Variants in LIPA observed in about 807,000 individuals in gnomAD.
LIPA encodes lipase A, lysosomal acid type.
A neutral mutation model predicts 40.6 loss-of-function variants in LIPA; 26 were observed. That is an observed-to-expected ratio of 0.64 (90% CI 0.47 to 0.89). LIPA has a LOEUF of 0.89. LIPA is among the 40% of genes least tolerant of loss of function. The pLI, the probability that LIPA is intolerant of heterozygous loss-of-function variation, is 0.00. For synonymous variants in LIPA, 188 were observed against 168.4 expected (o/e 1.12, Z -0.90); for missense variants, 455 against 479.6 (o/e 0.95, Z 0.48).
At chr10:89,391,489 T>C (rs931414737) in intron 2 of LIPA, among the ~76,000 whole-genome samples, 6 of 152,126 alleles carry the variant, frequency 3.9e-5, no homozygotes, top group South Asian at 4.1e-4. Context: ...TACTGGGACT[T>C]ACAGGCCTGA....
chr10:89,384,703 C>G, intron 2 of LIPA: 1 of 1,613,818 alleles, frequency 6.2e-7, no homozygotes, highest in South Asian at 1.1e-5. Context: ...TGAGAGGGCT[C>G]TGAGGCTGGC....
intron 1 of LIPA, among the ~76,000 whole-genome samples, chr10:89,251,435 A>T (rs1843118930): frequency 6.6e-6 from 1 of 152,236 alleles, no homozygotes; most frequent in Non-Finnish European, 1.5e-5. Flanking sequence ...GCGGTCCAGG[A>T]GCACTGGGCA....
chr10:89,325,099 A>G (rs936840888), intron 1 of LIPA, among the ~76,000 whole-genome samples: 3 of 152,236 alleles, frequency 2.0e-5, no homozygotes, highest in Non-Finnish European at 2.9e-5. Flanking sequence ...CCTAAAAAAA[A>G]GAATATGAAA....
At chr10:89,283,791 C>T (rs1425114812) in intron 1 of LIPA, 1 of 152,234 alleles carries the variant, frequency 6.6e-6, no homozygotes, top group Non-Finnish European at 1.5e-5. Context: ...GCTTCCTTTC[C>T]TCTGAATCTG....
Position 89,226,183 on chromosome 10 carries a change from A to AT in LIPA, c.538+711dup, listed in dbSNP as rs1842767887. Among the ~76,000 whole-genome samples the AT allele has an allele frequency of 2.6e-5, 4 of 151,914 alleles. No homozygotes were observed. In the South Asian group the frequency reaches 6.2e-4, roughly 24 times the overall value. ...TAAATAAAGAAAAATGCCTAACTCCATTTTTTTCCTGGCAATATAACCACA... is the reference window on the plus strand; with the variant it reads ...TAAATAAAGAAAAATGCCTAACTCCATTTTTTTTCCTGGCAATATAACCACA... On this transcript the variant is annotated intron_variant, in intron 5 of 9. Coordinates refer to ENST00000336233, the MANE Select transcript of LIPA (RefSeq NM_000235.4).
At chr10:89,266,276 T>C (rs1283733915) in intron 1 of LIPA, among the ~76,000 whole-genome samples, 1 of 152,186 alleles carries the variant, frequency 6.6e-6, no homozygotes, top group Non-Finnish European at 1.5e-5. Context: ...ATGTCTTTTT[T>C]TATGTAAAAT....
At chr10:89,397,646 G>A (rs1564808713) in intron 2 of LIPA, among the ~76,000 whole-genome samples, 1 of 152,162 alleles carries the variant, frequency 6.6e-6, no homozygotes, top group East Asian at 1.9e-4. Flanking sequence ...AAAGTGCTAA[G>A]ATTATAGGCA....
At chr10:89,305,940 A>G in intron 1 of LIPA, 5 of 1,544,618 alleles carry the variant, frequency 3.2e-6, no homozygotes, top group Non-Finnish European at 4.4e-6. Context: ...CTCAAAGTCC[A>G]TCTTTGTGTT....
intron 1 of LIPA, among the ~76,000 whole-genome samples, chr10:89,324,150 A>C (rs1416102214): frequency 2.6e-5 from 4 of 152,200 alleles, no homozygotes; most frequent in Non-Finnish European, 5.9e-5. Flanking sequence ...TATAGTAACC[A>C]AAATGCATGG....
intron 2 of LIPA, among the ~76,000 whole-genome samples, chr10:89,354,536 T>C (rs1660017813): frequency 6.6e-6 from 1 of 152,198 alleles, no homozygotes; most frequent in South Asian, 2.1e-4. Context: ...CAAGTCGTTC[T>C]CCTTCAAAGC....
At chr10:89,343,996 A>G (rs1197969375), upstream of LIPA, among the ~76,000 whole-genome samples, 1 of 152,138 alleles carries the variant, frequency 6.6e-6, no homozygotes, top group Non-Finnish European at 1.5e-5. Flanking sequence ...ACCTATTTCA[A>G]CCTCACCTCC....
intron 2 of LIPA, among the ~76,000 whole-genome samples, chr10:89,398,630 A>G (rs917485223): frequency 6.6e-6 from 1 of 152,184 alleles, no homozygotes; most frequent in African/African-American, 2.4e-5. Flanking sequence ...ATCATACAAT[A>G]TTGTCCTTTT....
At chr10:89,296,815 T>A (rs1250884789) in intron 1 of LIPA, among the ~76,000 whole-genome samples, 1 of 152,212 alleles carries the variant, frequency 6.6e-6, no homozygotes, top group Non-Finnish European at 1.5e-5. Flanking sequence ...TGGGCCTATA[T>A]ACATGATTAC....
intron 1 of LIPA, among the ~76,000 whole-genome samples, chr10:89,331,425 G>A (rs182741667): frequency 4.1e-4 from 62 of 152,242 alleles, no homozygotes; most frequent in Admixed American, 4.1e-3. Context: ...CACCCACCTT[G>A]GCCTCCCAAA....
intron 1 of LIPA, among the ~76,000 whole-genome samples, chr10:89,333,820 A>G (rs1843688235): frequency 6.6e-6 from 1 of 152,204 alleles, no homozygotes; most frequent in Admixed American, 6.5e-5. Flanking sequence ...ATCCCCCGGG[A>G]GGTTGTAAGA....
chr10:89,382,915 T>C lies in LIPA; in HGVS notation c.61+29876A>G, dbSNP rs186333677. Among the ~76,000 whole-genome samples the C allele has an allele frequency of 1.3e-3, 199 of 152,346 alleles. 3 individuals are homozygous for C. Among genetic ancestry groups the C allele is most frequent in the African/African-American group, 4.5e-3 (188 of 41,586 alleles). Reference sequence around the variant, plus strand: ...TTACGTGTTGAGAACATGAAAAAGATGAGTAAGGAACCCACCTTTCTGTGA... The same window carrying C: ...TTACGTGTTGAGAACATGAAAAAGACGAGTAAGGAACCCACCTTTCTGTGA... On this transcript the variant is annotated intron_variant, in intron 2 of 8. Coordinates refer to the LIPA transcript ENST00000371837.
chr10:89,357,474 T>C (rs112751967), intron 2 of LIPA, among the ~76,000 whole-genome samples: 103 of 152,348 alleles, frequency 6.8e-4, no homozygotes, highest in Non-Finnish European at 1.3e-3. Flanking sequence ...AGACTCCTCC[T>C]AAGAAAGGCA....
intron 1 of LIPA, among the ~76,000 whole-genome samples, chr10:89,330,689 T>A (rs1190653591): frequency 2.6e-5 from 4 of 152,236 alleles, no homozygotes; most frequent in Non-Finnish European, 5.9e-5. Context: ...TCAAGAAATA[T>A]CCCAGAACTA....
chr10:89,250,646 C>G (rs1201986838), intron 1 of LIPA, among the ~76,000 whole-genome samples: 1 of 152,228 alleles, frequency 6.6e-6, no homozygotes, highest in Non-Finnish European at 1.5e-5. Flanking sequence ...GCAGGAGCTG[C>G]TTTCATTCAG....
Sources: allele counts gnomAD v4.1 joint callset (sites outside exome capture counted in the v4.1 genomes callset), GRCh38; gene constraint gnomAD v4.1.1; transcripts MANE v1.5; gene names NCBI Gene and HGNC (gene_info 2026-07-23, HGNC 2026-07-21).